The following PDE4A variants were observed in gnomAD, a reference collection of about 807,000 sequenced individuals.
PDE4A encodes phosphodiesterase 4A, also known as 3',5'-cyclic-AMP phosphodiesterase 4A.
Under a neutral mutation model 73.9 loss-of-function variants are expected in PDE4A, and 21 were observed. That is an observed-to-expected ratio of 0.28 (90% CI 0.20 to 0.41). PDE4A has a LOEUF of 0.41. PDE4A is among the 10% of genes least tolerant of loss of function. PDE4A has a pLI of 1.00. For synonymous variants in PDE4A, 463 were observed against 505.4 expected, an observed-to-expected ratio of 0.92 and a Z score of 1.13; for missense variants, 958 against 1,211.4, an observed-to-expected ratio of 0.79 and a Z score of 3.10.
At position 10,423,157 on chromosome 19, in the gene PDE4A, CTTTTTT is replaced by C. The variant is rs61513692; in HGVS notation, c.320+2090_320+2095del. The C allele has an allele frequency of 1.1e-3, 794 of 755,202 alleles. 1 individual carries two copies. The highest frequency in any genetic ancestry group is 6.5e-3 in the East Asian group (40 of 6,132). The allele number at this position is 755,202 out of a possible 1,614,324, so 46.8% of individuals were successfully genotyped here. On this transcript the variant is annotated intron_variant, in intron 1 of 14. Coordinates refer to ENST00000380702, the MANE Select transcript of PDE4A (RefSeq NM_001111307.2). Reference sequence around the variant, plus strand: ...GGAGCCCAGAGACAAAACCCTTTCTCTTTTTTTTTTTTTTTTTTTTTTGACAGAGTC... The same window carrying C: ...GGAGCCCAGAGACAAAACCCTTTCTCTTTTTTTTTTTTTTTTGACAGAGTC...
chr19:10,450,379 G>A (rs758145209), intron 4 of PDE4A: 36 of 472,434 alleles, frequency 7.6e-5, no homozygotes, highest in Non-Finnish European at 9.7e-5. Flanking sequence ...TCAGCCATGT[G>A]GTCTTGAAGA....
Position 10,459,242 on chromosome 19 carries a change from G to A in PDE4A, c.1102-158G>A. On this transcript the variant is annotated intron_variant, in intron 8 of 14. Transcript: ENST00000380702. The stretch of plus-strand genomic sequence containing the variant: ...ATTGCTTTCGCTATTTTGCAGCCCA[G>A]TAGGACGAGGGCAGTACATTCTGTG... 8.4e-6 allele frequency: 11 copies of A among 1,306,552 alleles called. No individual in the cohort carries two copies. The South Asian group carries it at 1.5e-4, about 17-fold the overall frequency. 80.9% of individuals were successfully genotyped at this position (1,306,552 alleles called of 1,614,324 possible).
rs201327487 is a variant in PDE4A at position 10,467,060 on chromosome 19, C to T, written c.2100C>T (p.His700=). 4.1e-5 allele frequency: 66 copies of T among 1,614,162 alleles called. No individual in the cohort carries two copies. Among genetic ancestry groups the T allele is most frequent in the Non-Finnish European group, 3.1e-5 (37 of 1,180,034 alleles). ...PPEEESRGPG[H]PPLPDKFQFE... ...AGGAGGAGTCAAGGGGGCCAGGCCACCCACCCCTGCCTGACAAGTTCCAGT... is the reference window on the plus strand; with the variant it reads ...AGGAGGAGTCAAGGGGGCCAGGCCATCCACCCCTGCCTGACAAGTTCCAGT... Residue 700 remains histidine (H), a synonymous_variant, in exon 15 of 15, where the codon CAC becomes CAT. Coordinates refer to ENST00000380702, the MANE Select transcript of PDE4A (RefSeq NM_001111307.2).
At chr19:10,417,788 C>T (rs1599390560), upstream of PDE4A, 1 of 1,559,218 alleles carries the variant, frequency 6.4e-7, no homozygotes, top group Non-Finnish European at 8.6e-7. Flanking sequence ...ACCCTGGGGT[C>T]CCTCTGCCGC....
At chr19:10,434,607 T>C (rs1358765449) in intron 1 of PDE4A, among the ~76,000 whole-genome samples, 1 of 151,456 alleles carries the variant, frequency 6.6e-6, no homozygotes, top group Non-Finnish European at 1.5e-5. Context: ...TTTTTCTTTC[T>C]TGAGATGGAG....
chr19:10,466,815 A>G, intron 14 of PDE4A, 72 bp from the exon 15 acceptor site: 1 of 1,540,756 alleles, frequency 6.5e-7, no homozygotes, highest in East Asian at 2.3e-5. Flanking sequence ...TTTTCATTTC[A>G]TTAGCTCCCA....
rs182062725 is a variant in PDE4A, at chr19:10,421,557, T to C, written c.320+473T>C. Among the ~76,000 whole-genome samples, 172 of 152,174 alleles carry C rather than the reference T, an allele frequency of 1.1e-3. 1 individual carries two copies. Among genetic ancestry groups the C allele is most frequent in the African/African-American group, 4.1e-3 (171 of 41,514 alleles). ...GTGCTCTCAGGGTCCTTCTAGGGGA[T>C]GGAGGACTCTATTGCGGGGATGTTA... On this transcript the variant is annotated intron_variant, in intron 1 of 14. Coordinates refer to ENST00000380702, the MANE Select transcript of PDE4A (RefSeq NM_001111307.2).
chr19:10,417,033 T>C (rs977225260), upstream of PDE4A: 24 of 1,532,230 alleles, frequency 1.6e-5, no homozygotes, highest in Non-Finnish European at 2.0e-5. Context: ...GCTTCGCCCC[T>C]TGGGGGAGAC....
At chr19:10,459,531 A>G in intron 9 of PDE4A, 33 bp downstream of exon 9, 2 of 1,611,282 alleles carry the variant, frequency 1.2e-6, no homozygotes, top group Non-Finnish European at 1.7e-6. Flanking sequence ...GGCCCGGGTG[A>G]GGGGCTCATA....
At chr19:10,419,554 G>C (rs1328751378), upstream of PDE4A, 1 of 152,364 alleles carries the variant, frequency 6.6e-6, no homozygotes, top group African/African-American at 2.4e-5. Flanking sequence ...GCGATGTATA[G>C]AGCGGTGGGC....
chr19:10,431,174 C>T lies in PDE4A; in HGVS notation c.320+10090C>T, dbSNP rs528149890. ...TCTAGGGTTCGTGGCTCACTCTCTC[C>T]AGCCTCACTTTCCTCTTCTGTCACA... On this transcript the variant is annotated intron_variant, in intron 1 of 14. Transcript: ENST00000380702. 14 of 899,754 alleles carry T rather than the reference C, an allele frequency of 1.6e-5. No homozygotes were observed. The African/African-American group carries it at 1.9e-4, about 12-fold the overall frequency. The allele number at this position is 899,754 out of a possible 1,614,324, so 55.7% of individuals were successfully genotyped here.
At position 10,420,898 on chromosome 19, in the gene PDE4A, A is replaced by C. The variant is rs1239496338; in HGVS notation, c.134A>C (p.Gln45Pro). 6.3e-7 allele frequency: 1 copy of C among 1,588,312 alleles called. No homozygotes were observed. Among genetic ancestry groups the C allele is most frequent in the Non-Finnish European group, 8.5e-7 (1 of 1,175,712 alleles). ...CCTCGGACCCCCATCCGTATCCAGC[A>C]GCGCGGCTACTCCGACAGCGCGGAG... Reference protein sequence around the residue: ...RQPRTPIRIQQRGYSDSAERA... With the variant: ...RQPRTPIRIQPRGYSDSAERA... Residue 45 changes from glutamine (Q) to proline (P), a missense_variant, in exon 1 of 15, where the codon CAG becomes CCG. Transcript: ENST00000380702. This position sits in a 1 kb window ranked among gnomAD's most constrained non-coding sequence, Gnocchi z 6.0.
intron 4 of PDE4A, among the ~76,000 whole-genome samples, chr19:10,450,135 G>T (rs907128023): frequency 6.6e-6 from 1 of 152,142 alleles, no homozygotes; most frequent in Non-Finnish European, 1.5e-5. Flanking sequence ...TTACAATAAT[G>T]CCTCCCTTAG....
upstream of PDE4A, chr19:10,416,840 G>T: frequency 2.0e-6 from 3 of 1,532,636 alleles, no homozygotes; most frequent in Non-Finnish European, 1.7e-6. Context: ...GGCAGGGGGA[G>T]CCCTGGGGCA....
chr19:10,447,482 C>G (rs922989355), intron 2 of PDE4A, among the ~76,000 whole-genome samples: 1 of 151,824 alleles, frequency 6.6e-6, no homozygotes, highest in Non-Finnish European at 1.5e-5. Flanking sequence ...ACCTCGGCCT[C>G]CCAAAGTGCT....
chr19:10,421,359 T>G, intron 1 of PDE4A: 1 of 984,204 alleles, frequency 1.0e-6, no homozygotes, highest in Non-Finnish European at 1.2e-6. Context: ...GGCTGCACAC[T>G]TAGGGGTCTG....
chr19:10,447,192 G>A (rs1189684401), intron 2 of PDE4A, among the ~76,000 whole-genome samples: 4 of 143,428 alleles, frequency 2.8e-5, no homozygotes, highest in Non-Finnish European at 6.0e-5. Flanking sequence ...GAGCCACCGC[G>A]CCTGGCCTCA....
chr19:10,417,736 C>G (rs779552621), upstream of PDE4A: 12 of 1,588,126 alleles, frequency 7.6e-6, 1 homozygote, highest in South Asian at 1.3e-4. Context: ...CGCCGCCTCT[C>G]GTCCGGTCCT....
intron 1 of PDE4A, chr19:10,427,562 G>A (rs920875965): frequency 5.1e-6 from 5 of 985,268 alleles, no homozygotes; most frequent in Admixed American, 6.2e-5. Flanking sequence ...TTCCTAGGAC[G>A]GGACAAGCAT....
Sources: gnomAD v4.1 joint callset for allele counts (sites outside exome capture counted in the v4.1 genomes callset) on GRCh38, gnomAD v4.1.1 for gene constraint, Gnocchi (gnomAD v3.1) non-coding constraint, MANE v1.5 for transcripts, NCBI Gene and HGNC (gene_info 2026-07-23, HGNC 2026-07-21) for gene names.